The following EPHA7 variants were observed in gnomAD, a reference collection of about 807,000 sequenced individuals.
EPHA7 encodes EPH receptor A7.
A neutral mutation model predicts 112.6 loss-of-function variants in EPHA7; 25 were observed. That is an observed-to-expected ratio of 0.22 (90% CI 0.16 to 0.31). The LOEUF is 0.31. EPHA7 is among the 10% of genes least tolerant of loss of function. EPHA7 has a pLI of 1.00. For missense variants in EPHA7, 962 were observed against 1,212.6 expected (o/e 0.79, Z 3.07); for synonymous variants, 437 against 406.5 (o/e 1.07, Z -0.90).
intron 5 of EPHA7, among the ~76,000 whole-genome samples, chr6:93,286,562 C>T (rs929291624): frequency 6.6e-6 from 1 of 152,166 alleles, no homozygotes; most frequent in Non-Finnish European, 1.5e-5. Flanking sequence ...ACACACTTAA[C>T]TTGATTCTCC....
chr6:93,341,441 A>C (rs180804095), intron 5 of EPHA7, among the ~76,000 whole-genome samples: 1 of 151,786 alleles, frequency 6.6e-6, no homozygotes, highest in Non-Finnish European at 1.5e-5. Flanking sequence ...GACCTTTGAC[A>C]TTAATCAGTT....
intron 15 of EPHA7, among the ~76,000 whole-genome samples, chr6:93,246,087 T>C (rs1769934546): frequency 6.6e-6 from 1 of 152,078 alleles, no homozygotes; most frequent in Admixed American, 6.6e-5. Context: ...AGTCTCGCTC[T>C]GTCGCCCAGG....
At chr6:93,261,179 G>A (rs543064021) in intron 9 of EPHA7, among the ~76,000 whole-genome samples, 77 of 151,630 alleles carry the variant, frequency 5.1e-4, no homozygotes, top group Non-Finnish European at 9.0e-4. Flanking sequence ...ATGTAAATTC[G>A]AATTGCTTCA....
At chr6:93,305,243 A>G (rs1161725483) in intron 5 of EPHA7, among the ~76,000 whole-genome samples, 3 of 151,900 alleles carry the variant, frequency 2.0e-5, no homozygotes, top group Admixed American at 2.0e-4. Flanking sequence ...GAAAGATTTG[A>G]TTAAGCAGGG....
At chr6:93,406,339 T>C (rs1778719457) in intron 3 of EPHA7, among the ~76,000 whole-genome samples, 1 of 149,826 alleles carries the variant, frequency 6.7e-6, no homozygotes, top group African/African-American at 2.4e-5. Flanking sequence ...ATCATCCAAA[T>C]AAAAAAAAAC....
intron 3 of EPHA7, among the ~76,000 whole-genome samples, chr6:93,392,379 G>C (rs1754186632): frequency 6.6e-6 from 1 of 151,810 alleles, no homozygotes; most frequent in Non-Finnish European, 1.5e-5. Context: ...GCCTCAATAG[G>C]AAAAGGTGGG....
At chr6:93,336,681 A>G (rs460103) in intron 5 of EPHA7, among the ~76,000 whole-genome samples, 25,007 of 151,898 alleles carry the variant, frequency 0.16, 2,204 homozygotes, top group African/African-American at 0.22. Context: ...GATTACAGTC[A>G]TGAGCCACCC....
intron 3 of EPHA7, among the ~76,000 whole-genome samples, chr6:93,384,064 A>G (rs117739827): frequency 6.6e-6 from 1 of 152,312 alleles, no homozygotes; most frequent in Non-Finnish European, 1.5e-5. Flanking sequence ...CAGGAAAGTA[A>G]AATAAGCACA....
intron 5 of EPHA7, among the ~76,000 whole-genome samples, chr6:93,303,704 TA>T (rs1773109437): frequency 1.3e-5 from 2 of 152,282 alleles, no homozygotes; most frequent in African/African-American, 4.8e-5. Flanking sequence ...CTTGAGGTCT[TA>T]AATGTAATTT....
At chr6:93,331,754 A>G (rs1458295305) in intron 5 of EPHA7, among the ~76,000 whole-genome samples, 3 of 151,586 alleles carry the variant, frequency 2.0e-5, no homozygotes, top group African/African-American at 4.8e-5. Context: ...ACCATATTAT[A>G]CCTTGTTTAG....
chr6:93,342,361 C>CTTTTTTTCTTTTG (rs1562109730), intron 5 of EPHA7, among the ~76,000 whole-genome samples: 3 of 151,640 alleles, frequency 2.0e-5, no homozygotes, highest in African/African-American at 7.3e-5. Flanking sequence ...CCATTAGGAC[C>CTTTTTTTCTTTTG]ATAGTTACAA....
At chr6:93,255,789 T>G in intron 13 of EPHA7, 39 bp downstream of exon 13, 2 of 1,549,194 alleles carry the variant, frequency 1.3e-6, no homozygotes, top group Admixed American at 1.7e-5. Flanking sequence ...AGAAAAATCT[T>G]AAGAATATGA....
intron 5 of EPHA7, among the ~76,000 whole-genome samples, chr6:93,353,873 T>C (rs1289814565): frequency 1.3e-5 from 2 of 152,084 alleles, no homozygotes; most frequent in Non-Finnish European, 2.9e-5. Flanking sequence ...AATACACTTC[T>C]ACTCACACAA....
intron 7 of EPHA7, among the ~76,000 whole-genome samples, chr6:93,268,129 A>G (rs941134424): frequency 6.6e-6 from 1 of 151,674 alleles, no homozygotes; most frequent in African/African-American, 2.4e-5. Context: ...ATCTTATATA[A>G]TCTATTTAAA....
intron 1 of EPHA7, among the ~76,000 whole-genome samples, chr6:93,418,265 C>G (rs1214722216): frequency 6.6e-6 from 1 of 152,028 alleles, no homozygotes; most frequent in Non-Finnish European, 1.5e-5. Context: ...CTACAGGCAC[C>G]GAAAGGTATT....
chr6:93,316,268 A>G (rs942507426), intron 5 of EPHA7, among the ~76,000 whole-genome samples: 4 of 152,198 alleles, frequency 2.6e-5, no homozygotes, highest in African/African-American at 9.6e-5. Flanking sequence ...TTTATGTTTA[A>G]GAATAATTGC....
At chr6:93,263,442 A>C (rs974953860) in intron 9 of EPHA7, among the ~76,000 whole-genome samples, 2 of 151,332 alleles carry the variant, frequency 1.3e-5, no homozygotes, top group Non-Finnish European at 1.5e-5. Context: ...AGCTGAAGAG[A>C]AAGAGGCTCC....
At chr6:93,268,882 T>C (rs1370352037) in intron 7 of EPHA7, among the ~76,000 whole-genome samples, 1 of 151,864 alleles carries the variant, frequency 6.6e-6, no homozygotes, top group Non-Finnish European at 1.5e-5. Flanking sequence ...CATTTAATTA[T>C]CTCCCTTATA....
intron 2 of EPHA7, among the ~76,000 whole-genome samples, chr6:93,413,308 G>A (rs1779066112): frequency 6.6e-6 from 1 of 151,806 alleles, no homozygotes; most frequent in African/African-American, 2.4e-5. Context: ...AGATACTTTG[G>A]ACTGATAAAA....
Sources: gnomAD v4.1 joint callset for allele counts (sites outside exome capture counted in the v4.1 genomes callset) on GRCh38, gnomAD v4.1.1 for gene constraint, MANE v1.5 for transcripts, NCBI Gene and HGNC (gene_info 2026-07-23, HGNC 2026-07-21) for gene names.